Variants in PRKN observed in about 807,000 individuals in gnomAD.
The protein encoded by PRKN is E3 ubiquitin-protein ligase parkin.
Under a neutral mutation model 59.5 loss-of-function variants are expected in PRKN, and 56 were observed. The observed-to-expected ratio is 0.94, with a 90% CI of 0.76 to 1.18. The LOEUF (loss-of-function observed/expected upper bound fraction) is 1.18, where lower values mean the gene tolerates loss of function less well. PRKN is among the 50% of genes most tolerant of loss of function. The pLI, the probability that PRKN is intolerant of heterozygous loss-of-function variation, is 0.00. For missense variants in PRKN, 657 were observed against 596.4 expected (o/e 1.10, Z -1.06); for synonymous variants, 250 against 222.1 (o/e 1.13, Z -1.12).
At chr6:161,963,430 C>T (rs1780461256) in intron 6 of PRKN, among the ~76,000 whole-genome samples, 1 of 152,228 alleles carries the variant, frequency 6.6e-6, no homozygotes, top group African/African-American at 2.4e-5. Flanking sequence ...CACAGGTTCA[C>T]CACGGGAGAA....
chr6:162,304,027 C>T (rs560871111), intron 2 of PRKN, among the ~76,000 whole-genome samples: 11 of 151,820 alleles, frequency 7.2e-5, no homozygotes, highest in Middle Eastern at 3.4e-3. Context: ...TGAAAACATA[C>T]TGAAACAAAT....
At position 162,662,443 on chromosome 6, in the gene PRKN, ATTTT is replaced by A. The variant is rs538701838; in HGVS notation, c.7+65215_7+65218del. 2.8e-3 allele frequency among the ~76,000 whole-genome samples: 432 copies of A among 152,006 alleles called. 2 individuals carry two copies. The highest frequency in any genetic ancestry group is 7.9e-3 in the African/African-American group (328 of 41,478). ...TAGTTTAATTAAGTTCCATTTATCT[ATTTT>A]TGTTTATGTTGCATTTCATTTTGAA... On this transcript the variant is annotated intron_variant, in intron 1 of 11. Transcript: ENST00000366898.
intron 9 of PRKN, among the ~76,000 whole-genome samples, chr6:161,412,228 C>A (rs2115006148): frequency 6.7e-6 from 1 of 149,882 alleles, no homozygotes; most frequent in East Asian, 2.0e-4. Context: ...TTCCTTCCTT[C>A]CTCACTCATT....
chr6:162,140,676 C>A (rs1205500440), intron 4 of PRKN, among the ~76,000 whole-genome samples: 3 of 151,856 alleles, frequency 2.0e-5, no homozygotes, highest in Non-Finnish European at 2.9e-5. Flanking sequence ...TGACCTCAAA[C>A]CAGTTCAAAA....
intron 2 of PRKN, among the ~76,000 whole-genome samples, chr6:162,442,200 T>A (rs1562767654): frequency 1.3e-5 from 2 of 152,262 alleles, no homozygotes; most frequent in Admixed American, 1.3e-4. Flanking sequence ...TCTGAGAGCA[T>A]TTTACAAAGC....
chr6:162,293,370 T>C (rs1781526269), intron 2 of PRKN, among the ~76,000 whole-genome samples: 1 of 152,206 alleles, frequency 6.6e-6, no homozygotes, highest in African/African-American at 2.4e-5. Flanking sequence ...AGGGTTAAAA[T>C]GTAAACAAAG....
At chr6:161,746,995 T>C (rs1788460229) in intron 7 of PRKN, among the ~76,000 whole-genome samples, 1 of 152,090 alleles carries the variant, frequency 6.6e-6, no homozygotes, top group Admixed American at 6.6e-5. Flanking sequence ...TGTTGAGATA[T>C]CAGCTCATGA....
chr6:162,724,112 A>G (rs937431447), intron 1 of PRKN, among the ~76,000 whole-genome samples: 2 of 152,196 alleles, frequency 1.3e-5, no homozygotes, highest in African/African-American at 4.8e-5. Context: ...AAATATCCCC[A>G]CTAACATTCC....
At chr6:162,289,852 G>A (rs866498098) in intron 2 of PRKN, among the ~76,000 whole-genome samples, 3 of 152,098 alleles carry the variant, frequency 2.0e-5, no homozygotes, top group Admixed American at 6.6e-5. Context: ...TTCAATAGCC[G>A]TGGGATCATC....
Position 161,522,984 on chromosome 6 carries a change from C to T in PRKN, c.1083+25870G>A, listed in dbSNP as rs116576593. On this transcript the variant is annotated intron_variant, in intron 9 of 11. Transcript: ENST00000366898. The stretch of plus-strand genomic sequence containing the variant: ...CAAACTTACTTATCTATCTTTGATG[C>T]TATGCAAGACAAAATAAATGGAAGC... Among the ~76,000 whole-genome samples, 476 of 152,256 alleles carry T rather than the reference C, an allele frequency of 3.1e-3. 4 individuals carry two copies. The highest frequency in any genetic ancestry group is 0.011 in the African/African-American group (455 of 41,542).
At chr6:162,420,234 G>C (rs4709607) in intron 2 of PRKN, among the ~76,000 whole-genome samples, 77,350 of 150,660 alleles carry the variant, frequency 0.51, 20,248 homozygotes, top group East Asian at 0.68. Context: ...GTGCAACCTA[G>C]ATTCTTCACA....
intron 2 of PRKN, among the ~76,000 whole-genome samples, chr6:162,426,733 C>CTT (rs1331407925): frequency 2.0e-5 from 3 of 152,208 alleles, no homozygotes; most frequent in African/African-American, 7.2e-5. Context: ...AGGCATGAGC[C>CTT]ACCATACCCA....
intron 1 of PRKN, among the ~76,000 whole-genome samples, chr6:162,580,859 A>G (rs1284060256): frequency 2.0e-5 from 3 of 152,176 alleles, no homozygotes; most frequent in Non-Finnish European, 2.9e-5. Context: ...TGAGTATATA[A>G]CGCCTTTGCC....
chr6:162,321,915 T>C (rs1389658017), intron 2 of PRKN, among the ~76,000 whole-genome samples: 13 of 152,020 alleles, frequency 8.6e-5, no homozygotes, highest in Admixed American at 5.2e-4. Flanking sequence ...TGATGAAAGA[T>C]TGTCTACTTT....
rs142736377 is a variant in PRKN at position 161,495,061 on chromosome 6, A to G, written c.1083+53793T>C. Reference sequence around the variant, plus strand: ...AAGCAAAAAGAAGCAGGTGAAAGTGATTTTGATAATATATTTTATTTACCA... The same window carrying G: ...AAGCAAAAAGAAGCAGGTGAAAGTGGTTTTGATAATATATTTTATTTACCA... On this transcript the variant is annotated intron_variant, in intron 9 of 11. Coordinates refer to ENST00000366898, the MANE Select transcript of PRKN (RefSeq NM_004562.3). 3.1e-3 allele frequency among the ~76,000 whole-genome samples: 469 copies of G among 152,334 alleles called. 3 individuals are homozygous for G. The highest frequency in any genetic ancestry group is 0.01 in the African/African-American group (430 of 41,564).
In PRKN at chr6:161,369,416, G is replaced by T. The variant is rs1298651891; in HGVS notation, c.1168-9211C>A. On this transcript the variant is annotated intron_variant, in intron 10 of 11. Transcript: ENST00000366898. This position sits in a 1 kb window ranked among gnomAD's most constrained non-coding sequence, Gnocchi z 5.8. ...CTCTGGAGGGCGATTCTCCCTTTGC[G>T]CCTGAAGAGGAACATGGTGAGCTGG... Among the ~76,000 whole-genome samples, 3 of 152,146 alleles carry T rather than the reference G, an allele frequency of 2.0e-5. No homozygotes were observed. Among genetic ancestry groups the T allele is most frequent in the African/African-American group, 7.2e-5 (3 of 41,438 alleles).
In PRKN at chr6:161,420,640, G is replaced by A. The variant is rs138508816; in HGVS notation, c.1084-33763C>T. Among the ~76,000 whole-genome samples, 98 of 152,096 alleles carry A rather than the reference G, an allele frequency of 6.4e-4. 1 individual carries two copies. Among genetic ancestry groups the A allele is most frequent in the African/African-American group, 2.2e-3 (92 of 41,468 alleles). On this transcript the variant is annotated intron_variant, in intron 9 of 11. Transcript: ENST00000366898. ...TGATCCTCCCACCTCAGCGTCCTGA[G>A]CTGGGACCACAGGCACGCGCCACCA...
intron 9 of PRKN, among the ~76,000 whole-genome samples, chr6:161,398,574 T>C (rs1786879072): frequency 6.6e-6 from 1 of 152,220 alleles, no homozygotes; most frequent in African/African-American, 2.4e-5. Flanking sequence ...GAATGTATGC[T>C]GTGCATTGCT....
rs114955935 is a variant in PRKN, at chr6:161,483,592, C to T, written c.1083+65262G>A. ...AAGCTACAATTCTATCCTTACCTCA[C>T]ATGTCACATCCCTAAAGGTGACATC... On this transcript the variant is annotated intron_variant, in intron 9 of 11. Coordinates refer to ENST00000366898, the MANE Select transcript of PRKN (RefSeq NM_004562.3). This position sits in a 1 kb window ranked among gnomAD's most constrained non-coding sequence, Gnocchi z 5.0. Among the ~76,000 whole-genome samples, 390 of 152,308 alleles carry T rather than the reference C, an allele frequency of 2.6e-3. 1 individual carries two copies. The highest frequency in any genetic ancestry group is 8.8e-3 in the African/African-American group (364 of 41,576).
Sources: gnomAD v4.1 joint callset for allele counts (sites outside exome capture counted in the v4.1 genomes callset) on GRCh38, gnomAD v4.1.1 for gene constraint, Gnocchi (gnomAD v3.1) non-coding constraint, MANE v1.5 for transcripts, NCBI Gene and HGNC (gene_info 2026-07-23, HGNC 2026-07-21) for gene names.